NUP188: variants seen among roughly 807,000 people sequenced by gnomAD.
The protein encoded by NUP188 is nucleoporin NUP188.
A neutral mutation model predicts 223.0 loss-of-function variants in NUP188; 97 were observed. The observed-to-expected ratio is 0.43, with a 90% confidence interval of 0.37 to 0.51. The LOEUF is 0.51. Among genes scored for constraint, NUP188 ranks in the 20% least tolerant of loss-of-function variants. NUP188 has a pLI of 0.00. For synonymous variants in NUP188, 869 were observed against 828.0 expected (o/e 1.05, Z -0.85); for missense variants, 1,947 against 2,175.6 (o/e 0.89, Z 2.09).
chr9:128,978,556 CAAAAAAAAAAAAAA>C (rs57813508), intron 12 of NUP188, among the ~76,000 whole-genome samples: 10 of 67,640 alleles, frequency 1.5e-4, no homozygotes, highest in Non-Finnish European at 2.3e-4. Flanking sequence ...GAGTGAGACT[CAAAAAAAAAAAAAA>C]AAAAAAAAAG....
intron 2 of NUP188, 119 bp from the exon 3 acceptor site, chr9:128,952,654 C>A (rs543116428): frequency 4.4e-6 from 3 of 682,238 alleles, no homozygotes; most frequent in Middle Eastern, 2.7e-4. Flanking sequence ...ACCTGGGAGG[C>A]GGAGGTTGCA....
intron 30 of NUP188, among the ~76,000 whole-genome samples, chr9:128,996,839 A>G (rs1842535570): frequency 6.6e-6 from 1 of 152,296 alleles, no homozygotes; most frequent in Middle Eastern, 3.4e-3. Flanking sequence ...AAGAAAAAAA[A>G]AGAGAAAGAA....
intron 8 of NUP188, among the ~76,000 whole-genome samples, chr9:128,965,109 A>T (rs1003006506): frequency 1.3e-5 from 2 of 152,186 alleles, no homozygotes; most frequent in Non-Finnish European, 2.9e-5. Context: ...CAGTGAAGCC[A>T]TCTGGGTCTG....
At position 128,999,714 on chromosome 9, in the gene NUP188, A is replaced by G. The variant is rs755490179; in HGVS notation, c.3752A>G (p.His1251Arg). The G allele has an allele frequency of 1.9e-6, 3 of 1,614,178 alleles. No homozygotes were observed. The South Asian group carries it at 3.3e-5, about 18-fold the overall frequency. Residue 1251 changes from histidine to arginine, a missense_variant, in exon 34 of 44, where the codon CAC (histidine) becomes CGC (arginine). This residue lies in a region of NUP188 where 905 missense variants were observed against 990.6 expected (regional missense o/e 0.91). Transcript: ENST00000372577. ...EVIALFDQTRHSLALGSATED... is the reference protein window; with the variant it reads ...EVIALFDQTRRSLALGSATED... Reference sequence around the variant, plus strand: ...ATTGCACTCTTCGACCAGACCCGCCACAGTCTGGCATTAGGCAGTGCCACA... The same window carrying G: ...ATTGCACTCTTCGACCAGACCCGCCGCAGTCTGGCATTAGGCAGTGCCACA...
intron 20 of NUP188, among the ~76,000 whole-genome samples, chr9:128,985,491 G>A (rs1448719324): frequency 6.6e-6 from 1 of 152,108 alleles, no homozygotes. Context: ...CTACTAATGG[G>A]TTACAACTCG....
At chr9:128,974,334 G>C (rs1487408088) in intron 12 of NUP188, among the ~76,000 whole-genome samples, 1 of 150,660 alleles carries the variant, frequency 6.6e-6, no homozygotes, top group Non-Finnish European at 1.5e-5. Flanking sequence ...TTACTCTGTA[G>C]TACATCTGTC....
At chr9:128,983,197 G>C in intron 17 of NUP188, 96 bp from the exon 18 acceptor site, 2 of 1,386,476 alleles carry the variant, frequency 1.4e-6, no homozygotes, top group Non-Finnish European at 2.0e-6. Flanking sequence ...TGTCTGCTGA[G>C]GGGAGAGACT....
rs138022089 is a variant in NUP188 at position 128,999,724 on chromosome 9, A to T, written c.3762A>T (p.Ala1254=). The T allele has an allele frequency of 1.5e-5, 25 of 1,614,110 alleles. No homozygotes were observed. The highest frequency in any genetic ancestry group is 2.1e-5 in the Non-Finnish European group (25 of 1,180,034). ...TCGACCAGACCCGCCACAGTCTGGC[A>T]TTAGGCAGTGCCACAGAGGACAAGG... ...ALFDQTRHSL[A]LGSATEDKDS... The change falls in exon 34 of 44, where the codon GCA becomes GCT. Residue 1254 remains alanine (A), a synonymous_variant. Transcript: ENST00000372577.
intron 34 of NUP188, 23 bp from the exon 35 acceptor site, chr9:129,001,506 T>A (rs778593040): frequency 6.2e-7 from 1 of 1,605,898 alleles, no homozygotes; most frequent in Admixed American, 1.7e-5. Flanking sequence ...TTCCCCCTTT[T>A]ACTCATCTTT....
chr9:128,998,169 A>G lies in NUP188; in HGVS notation c.3370A>G (p.Thr1124Ala), dbSNP rs1842564226. ...ATTHADIMHL[T>A]DSVVRRQLFL... ...TTTGCAGGCAGATATAATGCACCTG[A>G]CTGACTCTGTGGTGCGTCGCCAGCT... Residue 1124 changes from threonine (T) to alanine (A), a missense_variant, in exon 31 of 44, where the codon ACT becomes GCT. Physicochemically the swap from Thr to Ala is moderately conservative, Grantham distance 58 (BLOSUM62 0). This residue lies in a region of NUP188 where 905 missense variants were observed against 990.6 expected (regional missense o/e 0.91). Coordinates refer to ENST00000372577, the MANE Select transcript of NUP188 (RefSeq NM_015354.3). 1 of 1,613,838 alleles carries G rather than the reference A, an allele frequency of 6.2e-7. No individual in the cohort carries two copies. Among genetic ancestry groups the G allele is most frequent in the Non-Finnish European group, 8.5e-7 (1 of 1,179,742 alleles).
At position 128,987,525 on chromosome 9, in the gene NUP188, A is replaced by G. The variant is rs182495357; in HGVS notation, c.2265-64A>G. 1.2e-4 allele frequency: 184 copies of G among 1,544,466 alleles called. 4 individuals are homozygous for G. The Admixed American group carries it at 2.3e-3, about 20-fold the overall frequency. On this transcript the variant is annotated intron_variant, in intron 22 of 43. Transcript: ENST00000372577. ...TTAGCCACCCTAGCCTAATTGGACAATGCCCTTCCTTCCAAGATACACTGA... is the reference window on the plus strand; with the variant it reads ...TTAGCCACCCTAGCCTAATTGGACAGTGCCCTTCCTTCCAAGATACACTGA...
In NUP188 at chr9:128,958,878, A is replaced by G; in HGVS notation, c.449A>G (p.Glu150Gly). 6.3e-7 allele frequency: 1 copy of G among 1,598,692 alleles called. No individual in the cohort carries two copies. Among genetic ancestry groups the G allele is most frequent in the Non-Finnish European group, 8.6e-7 (1 of 1,169,370 alleles). The change falls in exon 7 of 44, where the codon GAA becomes GGA. Residue 150 changes from glutamate to glycine, a missense_variant. Glu to Gly is a moderately conservative substitution (Grantham distance 98, BLOSUM62 -2). This residue lies in a region of NUP188 where 817 missense variants were observed against 865.8 expected (regional missense o/e 0.94). Transcript: ENST00000372577. ...CACCTTCTCACTTACTTCCAAGATG[A>G]AAGACACCCCTATAGGGTAAGCTTG... ...VLHLLTYFQD[E>G]RHPYRVEYAD...
chr9:128,994,348 T>G, intron 27 of NUP188, 25 bp from the exon 28 acceptor site: 1 of 1,548,208 alleles, frequency 6.5e-7, no homozygotes, highest in Non-Finnish European at 8.9e-7. Flanking sequence ...AAAGTTATGA[T>G]TTCAAACATT....
At chr9:128,957,956 T>TA (rs1564550650) in intron 5 of NUP188, 54 bp from the exon 6 acceptor site, 2 of 1,328,394 alleles carry the variant, frequency 1.5e-6, no homozygotes, top group Non-Finnish European at 2.1e-6. Flanking sequence ...CTTTTTTTAT[T>TA]ACTTGAGTTT....
At chr9:128,984,538 T>A (rs1275298514) in intron 19 of NUP188, among the ~76,000 whole-genome samples, 4 of 152,236 alleles carry the variant, frequency 2.6e-5, no homozygotes, top group African/African-American at 9.6e-5. Context: ...GTCCCGTTAT[T>A]AAGCCACAAT....
At chr9:128,961,734 G>A (rs1841958149) in intron 8 of NUP188, among the ~76,000 whole-genome samples, 2 of 148,430 alleles carry the variant, frequency 1.3e-5, no homozygotes, top group African/African-American at 2.5e-5. Flanking sequence ...TGATTCTCCT[G>A]CCTCAGCTTC....
At chr9:129,000,014 A>C (rs1191247213) in intron 34 of NUP188, among the ~76,000 whole-genome samples, 1 of 152,246 alleles carries the variant, frequency 6.6e-6, no homozygotes, top group African/African-American at 2.4e-5. Flanking sequence ...ACTTAGTCTC[A>C]CTTCTGACTT....
At chr9:128,982,398 C>G (rs1219381872) in intron 15 of NUP188, 151 bp from the exon 16 acceptor site, 4 of 687,270 alleles carry the variant, frequency 5.8e-6, no homozygotes, top group Non-Finnish European at 9.5e-6. Flanking sequence ...CCACTGCACT[C>G]CAGCCTGGGC....
chr9:128,994,501 G>C, intron 28 of NUP188, 59 bp downstream of exon 28: 1 of 1,161,798 alleles, frequency 8.6e-7, no homozygotes, highest in East Asian at 2.3e-5. Flanking sequence ...AAGGCTGTGG[G>C]CTGTGAGATG....
Sources: allele counts gnomAD v4.1 joint callset (sites outside exome capture counted in the v4.1 genomes callset), GRCh38; gene constraint gnomAD v4.1.1; regional missense constraint gnomAD v4.1.1; transcripts MANE v1.5; gene names NCBI Gene and HGNC (gene_info 2026-07-23, HGNC 2026-07-21).